The following MYO5A variants were observed in gnomAD, a reference collection of about 807,000 sequenced individuals.
MYO5A encodes myosin VA, also known as unconventional myosin-Va.
In MYO5A, 98 loss-of-function variants were observed where a neutral mutation model predicts 249.7. That is an observed-to-expected ratio of 0.39 (90% CI 0.33 to 0.46). The LOEUF (loss-of-function observed/expected upper bound fraction) is 0.46, where lower values mean the gene tolerates loss of function less well. Ranked by LOEUF, MYO5A falls within the 20% of genes least tolerant of loss-of-function variation. MYO5A has a pLI of 0.98. For synonymous variants in MYO5A, 778 were observed against 810.6 expected, an observed-to-expected ratio of 0.96 and a Z score of 0.68; for missense variants, 1,696 against 2,308.8, an observed-to-expected ratio of 0.73 and a Z score of 5.44.
chr15:52,328,081 AC>A, intron 35 of MYO5A, 75 bp from the exon 36 acceptor site: 2 of 1,241,242 alleles, frequency 1.6e-6, no homozygotes. Flanking sequence ...ATATAAAAAC[AC>A]AGTTGTCATG....
chr15:52,483,061 C>T (rs202241511), intron 1 of MYO5A, among the ~76,000 whole-genome samples: 2 of 152,178 alleles, frequency 1.3e-5, no homozygotes, highest in South Asian at 2.1e-4. Flanking sequence ...AAGGCAGGCC[C>T]TGGAAGCCCA....
rs375185648 is a variant in MYO5A, at chr15:52,411,832, C to T, written c.613-1356G>A. On this transcript the variant is annotated intron_variant, in intron 5 of 41. Coordinates refer to ENST00000399233, the MANE Select transcript of MYO5A (RefSeq NM_001382347.1). ...CTTTCTGAAATAGAGTGTAGACATC[C>T]TATTTTGTTTTGGCAGTGAGGACAC... Among the ~76,000 whole-genome samples the T allele has an allele frequency of 1.8e-3, 274 of 152,152 alleles. 1 individual carries two copies. The highest frequency in any genetic ancestry group is 6.3e-3 in the African/African-American group (261 of 41,518).
chr15:52,337,143 T>A (rs1361215950), intron 33 of MYO5A, among the ~76,000 whole-genome samples: 2 of 152,202 alleles, frequency 1.3e-5, no homozygotes, highest in Non-Finnish European at 2.9e-5. Flanking sequence ...AAGTGGCAAG[T>A]GGCATAAGGC....
intron 9 of MYO5A, among the ~76,000 whole-genome samples, chr15:52,399,223 A>AT (rs1243650441): frequency 6.6e-6 from 1 of 152,056 alleles, no homozygotes; most frequent in African/African-American, 2.4e-5. Flanking sequence ...GTTTCTGTTG[A>AT]TTTTTGCTAT....
chr15:52,410,268 A>C, intron 6 of MYO5A, 65 bp downstream of exon 6: 1 of 1,515,854 alleles, frequency 6.6e-7, no homozygotes, highest in South Asian at 1.1e-5. Flanking sequence ...GCATACCAGC[A>C]AGCATGGACT....
At chr15:52,321,541 A>G (rs947603145) in intron 37 of MYO5A, 32 bp from the exon 38 acceptor site, 6 of 1,610,050 alleles carry the variant, frequency 3.7e-6, no homozygotes, top group Admixed American at 1.7e-5. Context: ...AATGATACAC[A>G]TGAAGTAACC....
chr15:52,338,260 C>A (rs539716393), intron 32 of MYO5A, among the ~76,000 whole-genome samples: 32 of 143,948 alleles, frequency 2.2e-4, no homozygotes, highest in African/African-American at 7.6e-4. Flanking sequence ...GCAGCAGTGG[C>A]AAGAATAGGG....
intron 1 of MYO5A, among the ~76,000 whole-genome samples, chr15:52,508,480 T>C (rs138135324): frequency 5.9e-5 from 9 of 152,116 alleles, no homozygotes; most frequent in East Asian, 1.9e-4. Flanking sequence ...AACATAAATA[T>C]ACATCTATAT....
At chr15:52,476,029 C>A (rs1298655662) in intron 1 of MYO5A, among the ~76,000 whole-genome samples, 4 of 152,120 alleles carry the variant, frequency 2.6e-5, no homozygotes, top group Non-Finnish European at 4.4e-5. Flanking sequence ...GAGTCTAAGT[C>A]TCTTTGTAGG....
intron 16 of MYO5A, among the ~76,000 whole-genome samples, chr15:52,380,169 C>T (rs1237438039): frequency 6.6e-6 from 1 of 152,206 alleles, no homozygotes; most frequent in East Asian, 1.9e-4. Context: ...GGCGAGGTAG[C>T]TCACACCTAT....
intron 1 of MYO5A, among the ~76,000 whole-genome samples, chr15:52,451,573 A>G (rs1459642372): frequency 1.3e-5 from 2 of 152,098 alleles, no homozygotes; most frequent in Non-Finnish European, 1.5e-5. Flanking sequence ...CGAAGAACCA[A>G]CCCCATCTCA....
chr15:52,442,708 T>C (rs1008725236), intron 1 of MYO5A, among the ~76,000 whole-genome samples: 1 of 152,030 alleles, frequency 6.6e-6, no homozygotes, highest in Non-Finnish European at 1.5e-5. Flanking sequence ...CTAGGAGCCA[T>C]ACATTCTTTC....
rs79301484 is a variant in MYO5A, at chr15:52,316,505, G to A, written c.5409+543C>T. On this transcript the variant is annotated intron_variant, in intron 40 of 41. Transcript: ENST00000399233. ...CTCTACGGTAGAGTCAGTTGGATAC[G>A]ACTCTGTCTTCCCTACTGAACTGTA... 8.2e-3 allele frequency among the ~76,000 whole-genome samples: 1,251 copies of A among 152,206 alleles called. 17 individuals carry two copies. Among genetic ancestry groups the A allele is most frequent in the African/African-American group, 0.027 (1,139 of 41,544 alleles).
At chr15:52,318,456 CAAAAA>C (rs35901511) in intron 39 of MYO5A, among the ~76,000 whole-genome samples, 1 of 87,516 alleles carries the variant, frequency 1.1e-5, no homozygotes, top group Non-Finnish European at 2.2e-5. Flanking sequence ...AACTCCATCT[CAAAAA>C]AAAAAAAAAA....
At chr15:52,368,629 G>A (rs1180429792) in intron 22 of MYO5A, among the ~76,000 whole-genome samples, 1 of 152,154 alleles carries the variant, frequency 6.6e-6, no homozygotes, top group Non-Finnish European at 1.5e-5. Context: ...ATGGGGCCAG[G>A]CGCAGTGGCT....
intron 28 of MYO5A, among the ~76,000 whole-genome samples, chr15:52,349,913 TTTATGATTATGA>T (rs3842662): frequency 6.6e-6 from 1 of 151,256 alleles, no homozygotes; most frequent in Non-Finnish European, 1.5e-5. Context: ...GCTTAAGGGG[TTTATGATTATGA>T]TTATGATTAT....
chr15:52,454,811 T>C (rs1185755451), intron 1 of MYO5A, among the ~76,000 whole-genome samples: 4 of 152,080 alleles, frequency 2.6e-5, no homozygotes, highest in Non-Finnish European at 5.9e-5. Context: ...ATCTATGGGA[T>C]ACAGCAAAAG....
intron 1 of MYO5A, among the ~76,000 whole-genome samples, chr15:52,477,417 C>T (rs2076619637): frequency 1.3e-5 from 2 of 152,208 alleles, no homozygotes; most frequent in Non-Finnish European, 2.9e-5. Flanking sequence ...AGTCATTCTC[C>T]GTCCACCTTT....
chr15:52,324,335 G>A lies in MYO5A; in HGVS notation c.4711-891C>T, dbSNP rs77484782. Among the ~76,000 whole-genome samples the A allele has an allele frequency of 8.2e-3, 1,255 of 152,184 alleles. 17 individuals carry two copies. Among genetic ancestry groups the A allele is most frequent in the African/African-American group, 0.027 (1,138 of 41,512 alleles). On this transcript the variant is annotated intron_variant, in intron 36 of 41. Coordinates refer to ENST00000399233, the MANE Select transcript of MYO5A (RefSeq NM_001382347.1). ...GGCAGGAAGAAGAGAGACTCATTGTGCCTGAAAAAGATGTGAGGGCTGGGA... is the reference window on the plus strand; with the variant it reads ...GGCAGGAAGAAGAGAGACTCATTGTACCTGAAAAAGATGTGAGGGCTGGGA...
Sources: allele counts gnomAD v4.1 joint callset (sites outside exome capture counted in the v4.1 genomes callset), GRCh38; gene constraint gnomAD v4.1.1; transcripts MANE v1.5; gene names NCBI Gene and HGNC (gene_info 2026-07-23, HGNC 2026-07-21).